The following CFAP92 variants were observed in gnomAD, a reference collection of about 807,000 sequenced individuals.
The protein encoded by CFAP92 is uncharacterized protein CFAP92.
A neutral mutation model predicts 106.3 loss-of-function variants in CFAP92; 86 were observed. The ratio of observed to expected loss-of-function variants is 0.81; its 90% CI spans 0.68 to 0.97. CFAP92 has a LOEUF of 0.97. CFAP92 is among the 50% of genes least tolerant of loss of function. The pLI is 0.00. For synonymous variants in CFAP92, 477 were observed against 506.4 expected (o/e 0.94, Z 0.78); for missense variants, 1,204 against 1,283.8 (o/e 0.94, Z 0.95).
intron 15 of CFAP92, among the ~76,000 whole-genome samples, chr3:128,913,818 G>A (rs576168151): frequency 6.6e-6 from 1 of 152,272 alleles, no homozygotes; most frequent in Admixed American, 6.5e-5. Context: ...TAGCAGGGCA[G>A]CATTTTGCAC....
the CFAP92 span, among the ~76,000 whole-genome samples, chr3:129,021,238 G>A: frequency 6.6e-6 from 1 of 152,184 alleles, no homozygotes; most frequent in African/African-American, 2.4e-5. Context: ...TCTGAGACTG[G>A]AGCCCACCTC....
intron 9 of CFAP92, among the ~76,000 whole-genome samples, chr3:128,959,075 T>C (rs755254102): frequency 1.2e-4 from 18 of 152,200 alleles, no homozygotes; most frequent in Non-Finnish European, 1.8e-4. Context: ...CCGGGCGTGG[T>C]GGCAAATGCC....
At chr3:128,978,317 A>C in intron 4 of CFAP92, 132 bp from the exon 5 acceptor site, 1 of 842,756 alleles carries the variant, frequency 1.2e-6, no homozygotes, top group Non-Finnish European at 1.8e-6. Context: ...ATCACAATAA[A>C]GTGAGTCATA....
chr3:128,931,125 G>T (rs13090699), intron 12 of CFAP92, among the ~76,000 whole-genome samples: 3 of 151,862 alleles, frequency 2.0e-5, no homozygotes, highest in Non-Finnish European at 4.4e-5. Flanking sequence ...GGCTGGTTTC[G>T]AACTCCTGGC....
intron 8 of CFAP92, chr3:128,970,842 T>C (rs1942736792): frequency 6.0e-6 from 1 of 167,866 alleles, no homozygotes; most frequent in South Asian, 1.5e-4. Context: ...CAGAATTTGG[T>C]CTGAGAAGTA....
intron 9 of CFAP92, among the ~76,000 whole-genome samples, chr3:128,961,859 C>T (rs904603530): frequency 1.1e-4 from 16 of 152,192 alleles, no homozygotes; most frequent in Non-Finnish European, 1.9e-4. Context: ...GAAAAAGTTG[C>T]AATTCCTTGC....
chr3:128,956,191 A>T (rs1941367556), intron 9 of CFAP92, among the ~76,000 whole-genome samples: 1 of 99,368 alleles, frequency 1.0e-5, no homozygotes, highest in Non-Finnish European at 1.7e-5. Flanking sequence ...AATTAAAAAA[A>T]AAAATAAAAA....
chr3:128,933,287 C>A (rs1938601493), intron 11 of CFAP92, among the ~76,000 whole-genome samples: 1 of 152,208 alleles, frequency 6.6e-6, no homozygotes, highest in African/African-American at 2.4e-5. Context: ...TCCCATACCC[C>A]ATCGGGACAC....
At chr3:128,956,990 A>AAAAAG (rs1553751674) in intron 9 of CFAP92, among the ~76,000 whole-genome samples, 2 of 135,474 alleles carry the variant, frequency 1.5e-5, no homozygotes, top group African/African-American at 5.2e-5. Flanking sequence ...AAAAAAAAAA[A>AAAAAG]AAAAAAAGAA....
the CFAP92 span, among the ~76,000 whole-genome samples, chr3:129,010,506 G>A: frequency 1.4e-5 from 2 of 140,022 alleles, no homozygotes; most frequent in Non-Finnish European, 3.1e-5. The surrounding 1 kb of genome is among the most constrained non-coding windows in gnomAD (Gnocchi z 4.3). Context: ...TGGGATGGAG[G>A]AAAGGGGGTG....
At chr3:128,993,590 C>T (rs1944353730) in intron 1 of CFAP92, 2 of 466,158 alleles carry the variant, frequency 4.3e-6, no homozygotes, top group African/African-American at 2.0e-5. Flanking sequence ...TTTCCTTCGC[C>T]TAACCAGGAG....
At chr3:128,960,213 A>G (rs2107757214) in intron 9 of CFAP92, among the ~76,000 whole-genome samples, 1 of 152,316 alleles carries the variant, frequency 6.6e-6, no homozygotes, top group Admixed American at 6.5e-5. Flanking sequence ...GCTCACACAA[A>G]GCCTGTTTGG....
At chr3:128,936,894 G>A (rs1181929963) in intron 10 of CFAP92, among the ~76,000 whole-genome samples, 2 of 152,154 alleles carry the variant, frequency 1.3e-5, no homozygotes, top group Non-Finnish European at 2.9e-5. Context: ...TTGATGAGCA[G>A]AAGTTACTTT....
chr3:128,998,596 A>T (rs774413970), upstream of CFAP92, among the ~76,000 whole-genome samples: 12 of 152,204 alleles, frequency 7.9e-5, no homozygotes, highest in Non-Finnish European at 1.6e-4. Flanking sequence ...CCCAGTAATA[A>T]ATCACTCAAG....
intron 10 of CFAP92, among the ~76,000 whole-genome samples, chr3:128,937,401 A>G (rs1939147723): frequency 1.3e-5 from 2 of 151,864 alleles, no homozygotes; most frequent in Non-Finnish European, 2.9e-5. Context: ...TCACGAGGTC[A>G]GGAGATCGAG....
chr3:128,915,431 C>A lies in CFAP92; in HGVS notation c.3049G>T (p.Val1017Leu). ...TCGGTGTCGCTCTGAAGACCTGTCA[C>A]TTGGAATCCCCTGGCTGTGAGCCAG... ...QAWLTARGFQ[V>L]TGLQSDTESS... The change falls in exon 14 of 16, where the codon GTG becomes TTG. Residue 1017 changes from valine (V) to leucine (L), a missense_variant. Physicochemically the swap from Val to Leu is conservative, Grantham distance 32. Transcript: ENST00000645291. 1 of 1,536,174 alleles carries A rather than the reference C, an allele frequency of 6.5e-7. No homozygotes were observed.
At chr3:128,996,724 C>T (rs1240993768), upstream of CFAP92, among the ~76,000 whole-genome samples, 1 of 152,258 alleles carries the variant, frequency 6.6e-6, no homozygotes, top group Non-Finnish European at 1.5e-5. Context: ...GCTGGCCTCG[C>T]CTGGGCTCAC....
intron 12 of CFAP92, among the ~76,000 whole-genome samples, chr3:128,923,810 A>G (rs376066321): frequency 1.9e-4 from 29 of 152,338 alleles, no homozygotes; most frequent in African/African-American, 6.7e-4. Flanking sequence ...CTGGAGGGCA[A>G]AGATGAAAAT....
At chr3:128,939,048 T>C (rs568167059) in intron 10 of CFAP92, among the ~76,000 whole-genome samples, 2 of 152,190 alleles carry the variant, frequency 1.3e-5, no homozygotes, top group Non-Finnish European at 2.9e-5. Flanking sequence ...GTTAAGGATG[T>C]CTGTCCTTCT....
Sources: allele counts gnomAD v4.1 joint callset (sites outside exome capture counted in the v4.1 genomes callset), GRCh38; gene constraint gnomAD v4.1.1; non-coding constraint Gnocchi (gnomAD v3.1); transcripts MANE v1.5; gene names NCBI Gene and HGNC (gene_info 2026-07-23, HGNC 2026-07-21).